The following MYO1D variants were observed in gnomAD, a reference collection of about 807,000 sequenced individuals.
The protein encoded by MYO1D is unconventional myosin-Id.
In MYO1D, 83 loss-of-function variants were observed where a neutral mutation model predicts 122.0. The observed-to-expected ratio is 0.68, with a 90% CI of 0.57 to 0.82. The LOEUF is 0.82. Ranked by LOEUF, MYO1D falls within the 40% of genes least tolerant of loss-of-function variation. The pLI is 0.00. For synonymous variants in MYO1D, 464 were observed against 446.9 expected (o/e 1.04, Z -0.48); for missense variants, 1,157 against 1,269.5 (o/e 0.91, Z 1.35).
At chr17:32,752,106 A>C (rs1038076060) in intron 11 of MYO1D, among the ~76,000 whole-genome samples, 2 of 152,192 alleles carry the variant, frequency 1.3e-5, no homozygotes, top group Non-Finnish European at 2.9e-5. Context: ...CACAACAGAG[A>C]GCCCAGAAAT....
intron 15 of MYO1D, among the ~76,000 whole-genome samples, chr17:32,712,713 C>CA (rs1470445236): frequency 1.3e-5 from 2 of 152,162 alleles, no homozygotes; most frequent in African/African-American, 4.8e-5. Flanking sequence ...AGTGTTGCTG[C>CA]ACATAAGAGC....
chr17:32,622,182 G>C (rs1038301858), intron 20 of MYO1D, among the ~76,000 whole-genome samples: 1 of 152,118 alleles, frequency 6.6e-6, no homozygotes, highest in Non-Finnish European at 1.5e-5. Flanking sequence ...CCATCTTGGT[G>C]AGTCACCAGC....
At chr17:32,808,236 A>T (rs1200016308) in intron 1 of MYO1D, among the ~76,000 whole-genome samples, 3 of 152,078 alleles carry the variant, frequency 2.0e-5, no homozygotes, top group African/African-American at 7.2e-5. Context: ...TTACCCAGGC[A>T]TGGTGGTGCA....
At chr17:32,520,295 A>G (rs1401251669) in intron 21 of MYO1D, among the ~76,000 whole-genome samples, 1 of 152,106 alleles carries the variant, frequency 6.6e-6, no homozygotes, top group Non-Finnish European at 1.5e-5. Context: ...GCTGTGCACA[A>G]AGTCCACACA....
At chr17:32,616,132 T>C (rs2087766074) in intron 20 of MYO1D, among the ~76,000 whole-genome samples, 1 of 152,174 alleles carries the variant, frequency 6.6e-6, no homozygotes, top group Non-Finnish European at 1.5e-5. Context: ...CATCACTGCA[T>C]GTTGGGTATG....
chr17:32,822,612 G>A (rs1486919152), intron 1 of MYO1D, among the ~76,000 whole-genome samples: 18 of 148,836 alleles, frequency 1.2e-4, no homozygotes, highest in Non-Finnish European at 2.2e-4. Flanking sequence ...AGCCGGGCCC[G>A]TGGCCCGCCG....
intron 1 of MYO1D, among the ~76,000 whole-genome samples, chr17:32,872,670 CCAGA>C (rs959305333): frequency 7.2e-5 from 11 of 151,776 alleles, no homozygotes; most frequent in Admixed American, 1.3e-4. Context: ...CTTGCCCCAT[CCAGA>C]CACACATCTA....
At chr17:32,864,770 T>C (rs1362275504) in intron 1 of MYO1D, among the ~76,000 whole-genome samples, 1 of 152,196 alleles carries the variant, frequency 6.6e-6, no homozygotes, top group Admixed American at 6.5e-5. Context: ...GAATCAAAGA[T>C]GCAGAAGTAC....
intron 20 of MYO1D, among the ~76,000 whole-genome samples, chr17:32,632,919 T>C (rs934899197): frequency 1.3e-5 from 2 of 152,074 alleles, no homozygotes; most frequent in Non-Finnish European, 2.9e-5. Context: ...ATGACAAATA[T>C]GGCACTGAAG....
chr17:32,759,260 T>C (rs2089977100), intron 10 of MYO1D, among the ~76,000 whole-genome samples: 1 of 152,092 alleles, frequency 6.6e-6, no homozygotes, highest in Non-Finnish European at 1.5e-5. Context: ...CCTGAGCAAC[T>C]GTTTTATGGT....
chr17:32,572,497 C>T (rs930755373), intron 21 of MYO1D, among the ~76,000 whole-genome samples: 2 of 152,198 alleles, frequency 1.3e-5, no homozygotes, highest in African/African-American at 2.4e-5. Context: ...GTACAAGCCA[C>T]TGTCTTCTAA....
intron 21 of MYO1D, among the ~76,000 whole-genome samples, chr17:32,507,892 C>CTTTTTTTT (rs34271237): frequency 1.8e-5 from 2 of 109,320 alleles, no homozygotes; most frequent in African/African-American, 3.7e-5. Context: ...CCATGCTGGA[C>CTTTTTTTT]TTTTTTTTTT....
intron 1 of MYO1D, among the ~76,000 whole-genome samples, chr17:32,820,268 A>G (rs1439029975): frequency 6.6e-6 from 1 of 152,200 alleles, no homozygotes; most frequent in Non-Finnish European, 1.5e-5. Context: ...ACTTCTGGGT[A>G]TATGTTCAAA....
At chr17:32,547,230 G>A (rs2086971343) in intron 21 of MYO1D, among the ~76,000 whole-genome samples, 1 of 152,076 alleles carries the variant, frequency 6.6e-6, no homozygotes, top group South Asian at 2.1e-4. Flanking sequence ...ACTCAAAGCA[G>A]CAATCAAGTC....
At chr17:32,520,315 C>T (rs1910089976) in intron 21 of MYO1D, among the ~76,000 whole-genome samples, 1 of 152,160 alleles carries the variant, frequency 6.6e-6, no homozygotes, top group Non-Finnish European at 1.5e-5. Context: ...AGAGGACTTC[C>T]CGAGGTCAGC....
intron 16 of MYO1D, among the ~76,000 whole-genome samples, chr17:32,701,480 T>C (rs566577059): frequency 2.6e-5 from 4 of 152,344 alleles, no homozygotes; most frequent in Middle Eastern, 6.8e-3. Flanking sequence ...AAAAATGACA[T>C]AAGCATCTTG....
intron 1 of MYO1D, among the ~76,000 whole-genome samples, chr17:32,829,803 G>A (rs1436625072): frequency 1.3e-5 from 2 of 152,100 alleles, no homozygotes; most frequent in Admixed American, 6.6e-5. Context: ...ACAGAAACTA[G>A]AGTACATGCC....
chr17:32,682,454 C>CA (rs1476981821), intron 16 of MYO1D, among the ~76,000 whole-genome samples: 4 of 148,952 alleles, frequency 2.7e-5, no homozygotes, highest in African/African-American at 1.0e-4. Flanking sequence ...CTGGTGGTGA[C>CA]AAAATCTCTC....
At chr17:32,533,699 A>G (rs1328422836) in intron 21 of MYO1D, among the ~76,000 whole-genome samples, 1 of 151,870 alleles carries the variant, frequency 6.6e-6, no homozygotes, top group Non-Finnish European at 1.5e-5. Flanking sequence ...CTCCAGCCCT[A>G]CTCCACTGTT....
Sources: gnomAD v4.1 joint callset for allele counts (sites outside exome capture counted in the v4.1 genomes callset) on GRCh38, gnomAD v4.1.1 for gene constraint, MANE v1.5 for transcripts, NCBI Gene and HGNC (gene_info 2026-07-23, HGNC 2026-07-21) for gene names.